The following RAP1GAP2 variants were observed in gnomAD, a reference collection of about 807,000 sequenced individuals.
RAP1GAP2 encodes RAP1 GTPase activating protein 2.
RAP1GAP2 carries 27 observed loss-of-function variants against 95.0 expected under a neutral mutation model. The ratio of observed to expected loss-of-function variants is 0.28; its 90% CI spans 0.21 to 0.39. The LOEUF is 0.39. Among genes scored for constraint, RAP1GAP2 ranks in the 10% least tolerant of loss-of-function variants. RAP1GAP2 has a pLI of 1.00. For synonymous variants in RAP1GAP2, 373 were observed against 380.9 expected, an observed-to-expected ratio of 0.98 and a Z score of 0.24; for missense variants, 771 against 970.0, an observed-to-expected ratio of 0.79 and a Z score of 2.72.
intron 13 of RAP1GAP2, 135 bp from the exon 14 acceptor site, chr17:2,998,086 A>G (rs768872514): frequency 6.7e-6 from 7 of 1,051,274 alleles, no homozygotes; most frequent in African/African-American, 1.6e-5. Context: ...TAAACTTCCA[A>G]AACAACAACC....
Position 2,871,596 on chromosome 17 carries a change from C to T in RAP1GAP2, c.81-33688C>T, listed in dbSNP as rs565883855. Among the ~76,000 whole-genome samples the T allele has an allele frequency of 1.5e-4, 23 of 152,198 alleles. No homozygotes were observed. The highest frequency in any genetic ancestry group is 2.8e-4 in the Non-Finnish European group (19 of 68,038). On this transcript the variant is annotated intron_variant, in intron 2 of 24. Transcript: ENST00000254695. The surrounding 1 kb of genome is among the most constrained non-coding windows in gnomAD (Gnocchi z 5.0). Reference sequence around the variant, plus strand: ...GACAAAAGCTGCTTTGGAGTTGGTGCCAGCCACGGGGGTGCCAGCACGGCG... The same window carrying T: ...GACAAAAGCTGCTTTGGAGTTGGTGTCAGCCACGGGGGTGCCAGCACGGCG...
chr17:2,871,564 C>T lies in RAP1GAP2; in HGVS notation c.81-33720C>T, dbSNP rs769176606. 2.0e-5 allele frequency among the ~76,000 whole-genome samples: 3 copies of T among 152,174 alleles called. No individual in the cohort carries two copies. The highest frequency in any genetic ancestry group is 4.4e-5 in the Non-Finnish European group (3 of 68,042). ...AGGCAACAGCGGTAGGGCCAGCAAA[C>T]ACCATAGACAAAAGCTGCTTTGGAG... On this transcript the variant is annotated intron_variant, in intron 2 of 24. Coordinates refer to ENST00000254695, the MANE Select transcript of RAP1GAP2 (RefSeq NM_015085.5). The surrounding 1 kb of genome is among the most constrained non-coding windows in gnomAD (Gnocchi z 5.0).
upstream of RAP1GAP2, among the ~76,000 whole-genome samples, chr17:2,776,427 C>G (rs961985922): frequency 6.6e-6 from 1 of 152,180 alleles, no homozygotes; most frequent in African/African-American, 2.4e-5. Context: ...CTCCTTCTCT[C>G]CCCGGGTCCT....
rs563657646 is a variant in RAP1GAP2 at position 3,027,099 on chromosome 17, G to A, written c.2107+29G>A. 1.9e-4 allele frequency: 294 copies of A among 1,552,688 alleles called. 3 individuals are homozygous for A. The South Asian group carries it at 2.8e-3, about 15-fold the overall frequency. ...AGTGGCATCTGGTGGTGTGTGTGAC[G>A]TCACCAGGAGGGCAGGCTGTGCCCT... On this transcript the variant is annotated intron_variant, in intron 22 of 24. Coordinates refer to ENST00000254695, the MANE Select transcript of RAP1GAP2 (RefSeq NM_015085.5). This position sits in a 1 kb window ranked among gnomAD's most constrained non-coding sequence, Gnocchi z 5.2.
At chr17:2,795,547 G>A (rs936144109), upstream of RAP1GAP2, among the ~76,000 whole-genome samples, 3 of 152,232 alleles carry the variant, frequency 2.0e-5, no homozygotes, top group African/African-American at 4.8e-5. Context: ...CACAGCCAGC[G>A]TGAAGCATGC....
intron 2 of RAP1GAP2, among the ~76,000 whole-genome samples, chr17:2,863,268 C>T (rs753014446): frequency 1.3e-5 from 2 of 152,074 alleles, no homozygotes; most frequent in South Asian, 2.1e-4. Flanking sequence ...CTGGAGCAGA[C>T]GCTGTGTTTA....
intron 14 of RAP1GAP2, among the ~76,000 whole-genome samples, chr17:2,999,466 C>G (rs1051461477): frequency 4.6e-5 from 7 of 152,266 alleles, no homozygotes; most frequent in Admixed American, 4.6e-4. Context: ...TATCAGGAAC[C>G]ACTGTTCTAA....
chr17:2,943,053 A>G lies in RAP1GAP2; in HGVS notation c.166-14706A>G, dbSNP rs111453765. ...CAAAGTGCTGGGATTACAGGTGTGA[A>G]CCACCACACCTGACCTAGTTCCAAA... On this transcript the variant is annotated intron_variant, in intron 3 of 24. Coordinates refer to ENST00000254695, the MANE Select transcript of RAP1GAP2 (RefSeq NM_015085.5). Among the ~76,000 whole-genome samples the G allele has an allele frequency of 5.1e-3, 783 of 152,128 alleles. 3 individuals carry two copies. Among genetic ancestry groups the G allele is most frequent in the African/African-American group, 0.011 (464 of 41,540 alleles).
At chr17:2,876,270 T>C (rs934225415) in intron 2 of RAP1GAP2, among the ~76,000 whole-genome samples, 5 of 152,148 alleles carry the variant, frequency 3.3e-5, no homozygotes, top group African/African-American at 1.2e-4. Flanking sequence ...AGTCCAACTC[T>C]GTAAAATATT....
intron 3 of RAP1GAP2, among the ~76,000 whole-genome samples, chr17:2,910,785 G>T (rs1256160391): frequency 6.6e-6 from 1 of 152,064 alleles, no homozygotes; most frequent in East Asian, 1.9e-4. Context: ...AAATGTAATG[G>T]CGCGATCTCG....
chr17:2,854,455 G>A (rs917381717), intron 2 of RAP1GAP2, among the ~76,000 whole-genome samples: 1 of 152,206 alleles, frequency 6.6e-6, no homozygotes, highest in South Asian at 2.1e-4. Context: ...TCCATGCGCC[G>A]GTGTTGCCAT....
At chr17:2,780,408 C>T (rs1381834479) in intron 1 of RAP1GAP2, among the ~76,000 whole-genome samples, 3 of 152,222 alleles carry the variant, frequency 2.0e-5, no homozygotes, top group African/African-American at 4.8e-5. Context: ...GCCACCGCCC[C>T]GTTTGACAGG....
chr17:2,771,097 C>A (rs2068382709), intron 2 of RAP1GAP2, among the ~76,000 whole-genome samples: 1 of 151,998 alleles, frequency 6.6e-6, no homozygotes, highest in Non-Finnish European at 1.5e-5. Flanking sequence ...AAACAAAAAA[C>A]CCAACAAAAC....
At chr17:2,910,353 C>T (rs2042332264) in intron 3 of RAP1GAP2, among the ~76,000 whole-genome samples, 1 of 152,208 alleles carries the variant, frequency 6.6e-6, no homozygotes, top group Admixed American at 6.5e-5. Flanking sequence ...TGCCACATCC[C>T]TGTCCTAGGG....
At chr17:2,950,524 C>T (rs1051729511) in intron 3 of RAP1GAP2, among the ~76,000 whole-genome samples, 2 of 152,170 alleles carry the variant, frequency 1.3e-5, no homozygotes, top group African/African-American at 4.8e-5. Flanking sequence ...TCACTGCAGA[C>T]CAGACCCTGG....
upstream of RAP1GAP2, among the ~76,000 whole-genome samples, chr17:2,775,761 T>C (rs1224112530): frequency 6.6e-6 from 1 of 152,164 alleles, no homozygotes; most frequent in Admixed American, 6.6e-5. Flanking sequence ...CCACGGAGGT[T>C]ACTGAGGATG....
rs897344013 is a variant in RAP1GAP2, at chr17:2,796,667, G to A, written c.44+96G>A. ...GGCGGCCGTGGGAACAGAGGGGCTC[G>A]GGCTGTGCCTGAGAGCTGGGTCTGC... is the stretch of plus-strand genomic sequence containing the variant. On this transcript the variant is annotated intron_variant, in intron 1 of 24. Coordinates refer to ENST00000254695, the MANE Select transcript of RAP1GAP2 (RefSeq NM_015085.5). The surrounding 1 kb of genome is among the most constrained non-coding windows in gnomAD (Gnocchi z 4.7). The A allele has an allele frequency of 1.5e-5, 21 of 1,404,458 alleles. No homozygotes were observed. Among genetic ancestry groups the A allele is most frequent in the South Asian group, 9.9e-5 (8 of 80,966 alleles). 87.0% of individuals were successfully genotyped at this position (1,404,458 alleles called of 1,614,324 possible).
Position 2,998,257 on chromosome 17 carries a change from G to A in RAP1GAP2, c.1081G>A (p.Ala361Thr), listed in dbSNP as rs1435535253. The A allele has an allele frequency of 6.2e-7, 1 of 1,613,810 alleles. No individual in the cohort carries two copies. The highest frequency in any genetic ancestry group is 1.6e-4 in the Middle Eastern group (1 of 6,084). The change falls in exon 14 of 25, where the codon GCC becomes ACC. Residue 361 changes from alanine to threonine, a missense_variant. Physicochemically the swap from Ala to Thr is moderately conservative, Grantham distance 58 (BLOSUM62 0). Coordinates refer to ENST00000254695, the MANE Select transcript of RAP1GAP2 (RefSeq NM_015085.5). ...RKRHIGNDIV[A>T]IIFQEENTPF... ...GAGACACATTGGAAATGACATCGTGGCCATCATCTTCCAAGAGGAAAACAC... is the reference window on the plus strand; with the variant it reads ...GAGACACATTGGAAATGACATCGTGACCATCATCTTCCAAGAGGAAAACAC...
At chr17:3,017,020 TC>T (rs2046791111) in intron 17 of RAP1GAP2, among the ~76,000 whole-genome samples, 1 of 152,014 alleles carries the variant, frequency 6.6e-6, no homozygotes, top group African/African-American at 2.4e-5. Flanking sequence ...TCTCACACCA[TC>T]TTTGAAGGCC....
Sources: gnomAD v4.1 joint callset for allele counts (sites outside exome capture counted in the v4.1 genomes callset) on GRCh38, gnomAD v4.1.1 for gene constraint, Gnocchi (gnomAD v3.1) non-coding constraint, MANE v1.5 for transcripts, NCBI Gene and HGNC (gene_info 2026-07-23, HGNC 2026-07-21) for gene names.